FUT9: variants seen among roughly 807,000 people sequenced by gnomAD.
The protein encoded by FUT9 is 4-galactosyl-N-acetylglucosaminide 3-alpha-L-fucosyltransferase 9.
A neutral mutation model predicts 29.7 loss-of-function variants in FUT9; 15 were observed. The ratio of observed to expected loss-of-function variants is 0.51; its 90% CI spans 0.34 to 0.78. The LOEUF (loss-of-function observed/expected upper bound fraction) is 0.78. FUT9 is among the 30% of genes least tolerant of loss of function. FUT9 has a pLI of 0.01. For missense variants in FUT9, 319 were observed against 425.4 expected, an observed-to-expected ratio of 0.75 and a Z score of 2.20; for synonymous variants, 169 against 153.7, an observed-to-expected ratio of 1.10 and a Z score of -0.74.
chr6:96,131,054 T>C (rs1772234445), intron 2 of FUT9, among the ~76,000 whole-genome samples: 1 of 152,162 alleles, frequency 6.6e-6, no homozygotes, highest in Non-Finnish European at 1.5e-5. Context: ...GTATTTGTTA[T>C]GTGCAGGACC....
intron 1 of FUT9, among the ~76,000 whole-genome samples, chr6:96,097,729 A>T (rs904389300): frequency 1.1e-4 from 17 of 152,128 alleles, no homozygotes; most frequent in African/African-American, 3.9e-4. Context: ...ATGGGATAAT[A>T]AAAAATACGG....
chr6:96,204,277 A>G lies in FUT9; in HGVS notation c.*42A>G, dbSNP rs774487481. 2 of 1,334,694 alleles carry G rather than the reference A, an allele frequency of 1.5e-6. No individual in the cohort carries two copies. Among genetic ancestry groups the G allele is most frequent in the Non-Finnish European group, 2.0e-6 (2 of 1,008,392 alleles). 82.7% of individuals were successfully genotyped at this position (1,334,694 alleles called of 1,614,324 possible). On this transcript the variant is annotated 3_prime_UTR_variant, in exon 3 of 3. Coordinates refer to ENST00000302103, the MANE Select transcript of FUT9 (RefSeq NM_006581.4). ...CACACTTGATAAATATTTTGATGAG[A>G]TATCATCCAAGTATTGAGGATAAGA... is the stretch of plus-strand genomic sequence containing the variant.
intron 1 of FUT9, among the ~76,000 whole-genome samples, chr6:96,021,830 T>C (rs982910313): frequency 6.6e-6 from 1 of 151,552 alleles, no homozygotes; most frequent in Non-Finnish European, 1.5e-5. Flanking sequence ...ATATATGTTA[T>C]TGAAAAAAAT....
rs187245591 is a variant in FUT9 at position 96,065,117 on chromosome 6, G to A, written c.-98+48905G>A. On this transcript the variant is annotated intron_variant, in intron 1 of 2. Coordinates refer to ENST00000302103, the MANE Select transcript of FUT9 (RefSeq NM_006581.4). ...AACACTAGATTAGATGTTTCTGGAA[G>A]AGTTACTAGTGTCACGTCGTAACTC... Among the ~76,000 whole-genome samples the A allele has an allele frequency of 2.0e-5, 3 of 152,220 alleles. No homozygotes were observed. The East Asian group carries it at 5.8e-4, about 29-fold the overall frequency.
chr6:96,068,632 C>G (rs1356610126), intron 1 of FUT9, among the ~76,000 whole-genome samples: 1 of 152,146 alleles, frequency 6.6e-6, no homozygotes, highest in African/African-American at 2.4e-5. Context: ...AGACTTAAAG[C>G]AGTTTAAGTA....
intron 2 of FUT9, among the ~76,000 whole-genome samples, chr6:96,130,027 C>G (rs142840104): frequency 6.6e-6 from 1 of 151,898 alleles, no homozygotes; most frequent in African/African-American, 2.4e-5. Flanking sequence ...ATAAATTACA[C>G]GTCAGTTGGA....
chr6:96,063,418 A>AGT (rs935863124), intron 1 of FUT9, among the ~76,000 whole-genome samples: 1 of 152,056 alleles, frequency 6.6e-6, no homozygotes, highest in African/African-American at 2.4e-5. Flanking sequence ...CAAGGGAGAG[A>AGT]GTATGGGGGG....
intron 1 of FUT9, among the ~76,000 whole-genome samples, chr6:96,023,400 A>C (rs1770108228): frequency 6.6e-6 from 1 of 151,996 alleles, no homozygotes; most frequent in Non-Finnish European, 1.5e-5. Context: ...CTGGCTGATT[A>C]ACAGGACATC....
At chr6:96,060,601 A>C (rs556491541) in intron 1 of FUT9, among the ~76,000 whole-genome samples, 1 of 150,848 alleles carries the variant, frequency 6.6e-6, no homozygotes, top group Non-Finnish European at 1.5e-5. Context: ...CAGTTGCGCT[A>C]TCTGAGCTCA....
intron 2 of FUT9, among the ~76,000 whole-genome samples, chr6:96,145,546 A>G (rs1772550369): frequency 6.6e-6 from 1 of 152,226 alleles, no homozygotes; most frequent in Non-Finnish European, 1.5e-5. Context: ...TGTGTTGGAT[A>G]GTAATGAATG....
intron 2 of FUT9, among the ~76,000 whole-genome samples, chr6:96,188,492 G>C (rs1773444581): frequency 6.6e-6 from 1 of 151,994 alleles, no homozygotes; most frequent in Non-Finnish European, 1.5e-5. Flanking sequence ...CAATACGTGT[G>C]ACCTGAGGCA....
At chr6:96,147,048 G>A (rs778388633) in intron 2 of FUT9, among the ~76,000 whole-genome samples, 1 of 151,980 alleles carries the variant, frequency 6.6e-6, no homozygotes, top group Non-Finnish European at 1.5e-5. Flanking sequence ...AACAATCAGT[G>A]CAAACACAAT....
At chr6:96,046,144 CA>C (rs1770559166) in intron 1 of FUT9, among the ~76,000 whole-genome samples, 1 of 84,210 alleles carries the variant, frequency 1.2e-5, no homozygotes, top group Admixed American at 1.0e-4. Context: ...CAGTGTCTTT[CA>C]AAGTTGTTTT....
chr6:96,204,016 T>A lies in FUT9; in HGVS notation c.861T>A (p.Ile287=), dbSNP rs1247682695. The A allele has an allele frequency of 6.2e-7, 1 of 1,607,258 alleles. No homozygotes were observed. The highest frequency in any genetic ancestry group is 8.5e-7 in the Non-Finnish European group (1 of 1,177,634). ...ATTATATTCCAGCAGATTCATTCAT[T>A]CATGTGGAAGATTATAACTCTCCCA... ...YENYIPADSF[I]HVEDYNSPSE... Residue 287 remains isoleucine (I), a synonymous_variant, in exon 3 of 3, where the codon ATT becomes ATA. Coordinates refer to ENST00000302103, the MANE Select transcript of FUT9 (RefSeq NM_006581.4).
intron 2 of FUT9, among the ~76,000 whole-genome samples, chr6:96,167,307 C>A (rs1047370779): frequency 6.6e-6 from 1 of 151,948 alleles, no homozygotes; most frequent in African/African-American, 2.4e-5. Context: ...ATGCCTTGGC[C>A]AACCTGATGG....
intron 1 of FUT9, among the ~76,000 whole-genome samples, chr6:96,106,213 C>CCTTCCTTCCTTCCTTCCTT (rs1771681397): frequency 7.3e-6 from 1 of 137,142 alleles, no homozygotes; most frequent in Middle Eastern, 3.3e-3. Context: ...AATCCATCAA[C>CCTTCCTTCCTTCCTTCCTT]CCTTCCTTCC....
At chr6:96,094,838 G>C (rs1366016175) in intron 1 of FUT9, among the ~76,000 whole-genome samples, 5 of 151,802 alleles carry the variant, frequency 3.3e-5, no homozygotes, top group Non-Finnish European at 5.9e-5. Flanking sequence ...AGTTTTTGTT[G>C]TTGTCATTGT....
chr6:96,117,314 G>C (rs892951236), intron 2 of FUT9, among the ~76,000 whole-genome samples: 2 of 152,160 alleles, frequency 1.3e-5, no homozygotes, highest in African/African-American at 4.8e-5. Flanking sequence ...AATCAGCAAG[G>C]AGAGATGGCT....
chr6:96,022,674 A>G (rs1054181236), intron 1 of FUT9, among the ~76,000 whole-genome samples: 2 of 151,872 alleles, frequency 1.3e-5, no homozygotes, highest in African/African-American at 4.8e-5. Context: ...ACAAGCTGGA[A>G]TATACTCTTT....
Sources: allele counts gnomAD v4.1 joint callset (sites outside exome capture counted in the v4.1 genomes callset), GRCh38; gene constraint gnomAD v4.1.1; transcripts MANE v1.5; gene names NCBI Gene and HGNC (gene_info 2026-07-23, HGNC 2026-07-21).